Variants in IMPG2 observed in about 807,000 individuals in gnomAD.
IMPG2 encodes the protein interphotoreceptor matrix proteoglycan 2, also known as IPM 200.
In IMPG2, 91 loss-of-function variants were observed where a neutral mutation model predicts 129.2. That is an observed-to-expected ratio of 0.70 (90% CI 0.59 to 0.84). The LOEUF (loss-of-function observed/expected upper bound fraction) is 0.84. IMPG2 is among the 40% of genes least tolerant of loss of function. IMPG2 has a pLI of 0.00. For synonymous variants in IMPG2, 510 were observed against 517.7 expected (o/e 0.99, Z 0.20); for missense variants, 1,430 against 1,461.7 (o/e 0.98, Z 0.35).
intron 4 of IMPG2, among the ~76,000 whole-genome samples, chr3:101,283,421 G>T (rs1417612781): frequency 6.6e-6 from 1 of 152,078 alleles, no homozygotes; most frequent in Non-Finnish European, 1.5e-5. Flanking sequence ...TTTTTATTGA[G>T]TGATTTTCAA....
Position 101,305,728 on chromosome 3 carries a change from G to T in IMPG2, c.335-1416C>A, listed in dbSNP as rs996438771. ...CACATGAACTTTAAAATGATATTCA[G>T]GAGAAATATATTGCTGTATTATAAT... is the stretch of plus-strand genomic sequence containing the variant. On this transcript the variant is annotated intron_variant, in intron 2 of 18. Transcript: ENST00000193391. Among the ~76,000 whole-genome samples the T allele has an allele frequency of 2.6e-5, 4 of 152,086 alleles. No individual in the cohort carries two copies. The East Asian group carries it at 7.7e-4, about 29-fold the overall frequency.
At chr3:101,238,672 G>A (rs1334512168) in intron 14 of IMPG2, among the ~76,000 whole-genome samples, 2 of 152,198 alleles carry the variant, frequency 1.3e-5, no homozygotes, top group Non-Finnish European at 2.9e-5. Context: ...CAAATGCTGA[G>A]AGATTTTATC....
At chr3:101,307,106 A>T (rs1367355914) in intron 2 of IMPG2, among the ~76,000 whole-genome samples, 1 of 152,204 alleles carries the variant, frequency 6.6e-6, no homozygotes. Context: ...TTCACAAAGG[A>T]AGAGATAAAA....
rs1157159166 is a variant in IMPG2 at position 101,223,439 on chromosome 3, T to C, written c.*3530A>G. 1 of 152,258 alleles carries C rather than the reference T, an allele frequency of 6.6e-6. No homozygotes were observed. The highest frequency in any genetic ancestry group is 1.5e-5 in the Non-Finnish European group (1 of 68,048). The allele number at this position is 152,258 out of a possible 1,614,324, so 9.4% of individuals were successfully genotyped here. On this transcript the variant is annotated 3_prime_UTR_variant, in exon 19 of 19. Transcript: ENST00000193391. The stretch of plus-strand genomic sequence containing the variant: ...TAGCTCTTTCATTATGGAATAAATA[T>C]GTTGTCTTCTCTTCCGTTGCAAAAT...
chr3:101,313,795 T>G (rs1041679488), intron 2 of IMPG2, among the ~76,000 whole-genome samples: 2 of 152,104 alleles, frequency 1.3e-5, no homozygotes, highest in African/African-American at 4.8e-5. Context: ...TTAAGTAGTA[T>G]AACCATATTT....
intron 2 of IMPG2, among the ~76,000 whole-genome samples, chr3:101,306,001 C>T (rs988838302): frequency 6.6e-6 from 1 of 152,134 alleles, no homozygotes; most frequent in African/African-American, 2.4e-5. Flanking sequence ...ATTGAACACA[C>T]ATCAGGCAGG....
intron 11 of IMPG2, among the ~76,000 whole-genome samples, 200 bp from the exon 12 acceptor site, chr3:101,246,305 T>C (rs1706477655): frequency 6.6e-6 from 1 of 152,252 alleles, no homozygotes; most frequent in East Asian, 1.9e-4. Flanking sequence ...AGAGAAAAAG[T>C]ATATCACCTC....
In IMPG2 at chr3:101,275,692, C is replaced by G; in HGVS notation, c.637G>C (p.Glu213Gln). 6.2e-7 allele frequency: 1 copy of G among 1,613,944 alleles called. No individual in the cohort carries two copies. Among genetic ancestry groups the G allele is most frequent in the Non-Finnish European group, 8.5e-7 (1 of 1,179,808 alleles). Residue 213 changes from glutamate (E) to glutamine (Q), a missense_variant, in exon 6 of 19, where the codon GAG (glutamate) becomes CAG (glutamine). Coordinates refer to ENST00000193391, the MANE Select transcript of IMPG2 (RefSeq NM_016247.4). ...PEVDAYEGAS[E>Q]SSLERPEESI... The stretch of plus-strand genomic sequence containing the variant: ...TCCTCTGGCCTTTCCAAGCTGCTCT[C>G]TGAGGCACCTTCATAGGCGTCCACC...
rs756112586 is a variant in IMPG2 at position 101,244,628 on chromosome 3, C to G, written c.1703G>C (p.Gly568Ala). 2 of 1,605,334 alleles carry G rather than the reference C, an allele frequency of 1.2e-6. No homozygotes were observed. The highest frequency in any genetic ancestry group is 2.2e-5 in the East Asian group (1 of 44,782). The change falls in exon 13 of 19, where the codon GGC (glycine) becomes GCC (alanine). Residue 568 changes from glycine to alanine, a missense_variant. Gly to Ala is a moderately conservative substitution (Grantham distance 60, BLOSUM62 0). Coordinates refer to ENST00000193391, the MANE Select transcript of IMPG2 (RefSeq NM_016247.4). Reference protein sequence around the residue: ...SPYLTSSIPFGLDSLTSKVKD... With the variant: ...SPYLTSSIPFALDSLTSKVKD... ...GACTTTGGAGGTCAAGGAGTCCAAG[C>G]CAAAAGGTATAGAAGAGGTCAGATA...
intron 14 of IMPG2, among the ~76,000 whole-genome samples, chr3:101,236,080 C>G (rs1460379996): frequency 6.6e-6 from 1 of 152,160 alleles, no homozygotes; most frequent in East Asian, 1.9e-4. Flanking sequence ...AATCAACTGC[C>G]TTATGTTGGA....
At position 101,229,405 on chromosome 3, in the gene IMPG2, T is replaced by C. The variant is rs756354450; in HGVS notation, c.3608A>G (p.Tyr1203Cys). The part of the protein sequence containing the change: ...GLSREEIRQM[Y>C]ESSELSREEI... ...CTCTCTGGAAAGCTCACTGCTCTCA[T>C]ACATCTGTCTGATTTCTTCTCTGCT... is the stretch of plus-strand genomic sequence containing the variant. Residue 1203 changes from tyrosine to cysteine, a missense_variant, in exon 17 of 19, where the codon TAT becomes TGT. Transcript: ENST00000193391. 3.5e-6 allele frequency: 5 copies of C among 1,448,460 alleles called. No individual in the cohort carries two copies. The African/African-American group carries it at 7.3e-5, about 21-fold the overall frequency. 89.7% of individuals were successfully genotyped at this position (1,448,460 alleles called of 1,614,324 possible).
chr3:101,230,815 G>T, intron 16 of IMPG2, 142 bp downstream of exon 16: 1 of 735,870 alleles, frequency 1.4e-6, no homozygotes, highest in Non-Finnish European at 2.4e-6. Context: ...CCCCTTTGAG[G>T]ACAAGGACCA....
intron 4 of IMPG2, among the ~76,000 whole-genome samples, chr3:101,284,457 G>C (rs955878287): frequency 6.6e-6 from 1 of 152,066 alleles, no homozygotes; most frequent in African/African-American, 2.4e-5. Flanking sequence ...TCCAGTAAAA[G>C]AGACTCATTG....
intron 9 of IMPG2, among the ~76,000 whole-genome samples, chr3:101,260,000 G>T (rs1706652944): frequency 1.3e-5 from 2 of 152,196 alleles, no homozygotes; most frequent in South Asian, 2.1e-4. Flanking sequence ...GCATCCTAGA[G>T]AATTCATTGT....
chr3:101,235,206 A>G (rs1478001970), intron 14 of IMPG2, among the ~76,000 whole-genome samples: 1 of 152,162 alleles, frequency 6.6e-6, no homozygotes, highest in Non-Finnish European at 1.5e-5. Context: ...GCATGGAAAA[A>G]CTGTATCACT....
intron 14 of IMPG2, among the ~76,000 whole-genome samples, chr3:101,240,261 G>A (rs985208774): frequency 6.6e-6 from 1 of 151,992 alleles, no homozygotes; most frequent in East Asian, 1.9e-4. Flanking sequence ...GGAACTACAG[G>A]CATATGCCAC....
chr3:101,256,195 A>G (rs1414491248), intron 10 of IMPG2, among the ~76,000 whole-genome samples: 1 of 151,080 alleles, frequency 6.6e-6, no homozygotes, highest in Admixed American at 6.6e-5. Flanking sequence ...GAAAGAAAGA[A>G]AGAAAGAAAG....
chr3:101,277,451 A>C (rs1172952133), intron 4 of IMPG2, among the ~76,000 whole-genome samples: 1 of 152,246 alleles, frequency 6.6e-6, no homozygotes, highest in Non-Finnish European at 1.5e-5. Context: ...TTACAGTCTT[A>C]TAGAAATTAT....
At chr3:101,307,825 T>C (rs921663615) in intron 2 of IMPG2, among the ~76,000 whole-genome samples, 1 of 152,186 alleles carries the variant, frequency 6.6e-6, no homozygotes, top group African/African-American at 2.4e-5. Flanking sequence ...CATTCCAGCA[T>C]TAACCAAAAG....
Sources: gnomAD v4.1 joint callset for allele counts (sites outside exome capture counted in the v4.1 genomes callset) on GRCh38, gnomAD v4.1.1 for gene constraint, MANE v1.5 for transcripts, NCBI Gene and HGNC (gene_info 2026-07-23, HGNC 2026-07-21) for gene names.